NIN: variants seen among roughly 807,000 people sequenced by gnomAD.
The protein encoded by NIN is glycogen synthase kinase 3 beta-interacting protein.
NIN carries 137 observed loss-of-function variants against 257.6 expected under a neutral mutation model. That is an observed-to-expected ratio of 0.53 (90% CI 0.46 to 0.61). The LOEUF (loss-of-function observed/expected upper bound fraction) is 0.61, where lower values mean the gene tolerates loss of function less well. Among genes scored for constraint, NIN ranks in the 20% least tolerant of loss-of-function variants. The pLI, the probability that NIN is intolerant of heterozygous loss-of-function variation, is 0.00. For missense variants in NIN, 2,439 were observed against 2,501.2 expected, an observed-to-expected ratio of 0.98 and a Z score of 0.53; for synonymous variants, 918 against 919.8, an observed-to-expected ratio of 1.00 and a Z score of 0.04.
chr14:50,828,339 T>C (rs539230211), intron 2 of NIN, among the ~76,000 whole-genome samples: 93 of 152,352 alleles, frequency 6.1e-4, no homozygotes, highest in Non-Finnish European at 8.7e-4. Context: ...AAATGGTTAA[T>C]TGCTGACTTA....
chr14:50,761,798 C>T lies in NIN; in HGVS notation c.1888G>A (p.Glu630Lys), dbSNP rs756490659. The change falls in exon 16 of 31, where the codon GAA (glutamate) becomes AAA (lysine). Residue 630 changes from glutamate (E) to lysine (K), a missense_variant. Coordinates refer to ENST00000530997, the MANE Select transcript of NIN (RefSeq NM_020921.4). Reference protein sequence around the residue: ...RDICCLRLELEDKVRHYEKQL... With the variant: ...RDICCLRLELKDKVRHYEKQL... ...TGGTGGGAAGGACTTACTTTATCTTCGAGCTCCAGTCTGAGGCAACATATG... is the reference window on the plus strand; with the variant it reads ...TGGTGGGAAGGACTTACTTTATCTTTGAGCTCCAGTCTGAGGCAACATATG... The T allele has an allele frequency of 1.9e-6, 3 of 1,614,004 alleles. No homozygotes were observed. The highest frequency in any genetic ancestry group is 2.2e-5 in the East Asian group (1 of 44,890).
rs1156231902 is a variant in NIN at position 50,763,834 on chromosome 14, G to A, written c.1766C>T (p.Pro589Leu). 1 of 1,613,772 alleles carries A rather than the reference G, an allele frequency of 6.2e-7. No homozygotes were observed. Among genetic ancestry groups the A allele is most frequent in the African/African-American group, 1.3e-5 (1 of 74,926 alleles). Residue 589 changes from proline (P) to leucine (L), a missense_variant, in exon 15 of 31, where the codon CCC becomes CTC. Transcript: ENST00000530997. ...EVEANSGGIE[P>L]EHGLGSEECN... ...TGTCCGAATGTGTTTACCGTGTTCG[G>A]GCTCAATGCCACCGCTGTTAGCCTC...
chr14:50,813,669 T>C (rs117719818), intron 3 of NIN, among the ~76,000 whole-genome samples: 2,330 of 152,338 alleles, frequency 0.015, 23 homozygotes, highest in Non-Finnish European at 0.023. Context: ...ATAAGGAAAC[T>C]AATGTTGCAT....
At chr14:50,755,648 C>CTCTT (rs1566808426) in intron 18 of NIN, among the ~76,000 whole-genome samples, 3 of 79,992 alleles carry the variant, frequency 3.8e-5, no homozygotes, top group Non-Finnish European at 6.6e-5. Context: ...TGTTTTGTCT[C>CTCTT]TTTTTTTTTT....
At chr14:50,795,466 G>T (rs1165152978) in intron 4 of NIN, among the ~76,000 whole-genome samples, 1 of 152,170 alleles carries the variant, frequency 6.6e-6, no homozygotes, top group Admixed American at 6.5e-5. Flanking sequence ...CAGAGATTTA[G>T]AACTGAACAG....
chr14:50,819,508 T>C (rs2045097461), intron 3 of NIN, among the ~76,000 whole-genome samples: 1 of 152,204 alleles, frequency 6.6e-6, no homozygotes, highest in African/African-American at 2.4e-5. Context: ...ACGTAAGGTG[T>C]GTCTCTCATC....
chr14:50,799,234 A>C (rs2043975388), intron 4 of NIN, among the ~76,000 whole-genome samples: 1 of 152,176 alleles, frequency 6.6e-6, no homozygotes, highest in Non-Finnish European at 1.5e-5. Context: ...ATGAAGACTT[A>C]GTTTCCTCAT....
chr14:50,738,046 A>G (rs1283331679), intron 27 of NIN, 94 bp downstream of exon 27: 2 of 1,274,734 alleles, frequency 1.6e-6, no homozygotes, highest in Admixed American at 2.2e-5. Context: ...TGCCATCGTA[A>G]TCATTTCCTT....
chr14:50,757,029 T>A lies in NIN; in HGVS notation c.4001A>T (p.Lys1334Met), dbSNP rs1279477822. The A allele has an allele frequency of 1.2e-6, 2 of 1,613,328 alleles. No homozygotes were observed. Among genetic ancestry groups the A allele is most frequent in the South Asian group, 1.1e-5 (1 of 90,944 alleles). Residue 1334 changes from lysine (K) to methionine (M), a missense_variant, in exon 18 of 31, where the codon AAG (lysine) becomes ATG (methionine). Lys to Met is a moderately conservative substitution (Grantham distance 95, BLOSUM62 -1). This residue lies in a region of NIN where 2,043 missense variants were observed against 2,050.2 expected (regional missense o/e 1.00). Coordinates refer to ENST00000530997, the MANE Select transcript of NIN (RefSeq NM_020921.4). ...LVLRLQGKIE[K>M]LQESVVQRCD... ...CCGCTGGACCACGCTTTCCTGAAGC[T>A]TCTCAATCTTGCCTTGAAGTCTCAA...
In NIN at chr14:50,723,484, A is replaced by AG; in HGVS notation, c.6380dup (p.Thr2128TyrfsTer32). 6.2e-7 allele frequency: 1 copy of AG among 1,612,770 alleles called. No homozygotes were observed. Among genetic ancestry groups the AG allele is most frequent in the Non-Finnish European group, 8.5e-7 (1 of 1,179,756 alleles). On this transcript the variant is annotated frameshift_variant, in exon 31 of 31. Transcript: ENST00000530997. LOFTEE classifies it high-confidence loss of function. ...TTGGCTATGACCTCAAAGGAGGTGT[A>AG]GAAGTCAATGGCGCTGGTGTCAGAT... is the stretch of plus-strand genomic sequence containing the variant.
Position 50,776,952 on chromosome 14 carries a change from T to C in NIN, c.663A>G (p.Gly221=), listed in dbSNP as rs1595847029. 2.5e-6 allele frequency: 4 copies of C among 1,611,070 alleles called. No individual in the cohort carries two copies. Among genetic ancestry groups the C allele is most frequent in the Non-Finnish European group, 2.5e-6 (3 of 1,178,740 alleles). ...CEQYGLQNVD[G]EMLEEVFHNL... ...TGAATTATACTGCGAGGCTTACCTC[T>C]CCATCCACATTCTGTAAACCATACT... Residue 221 remains glycine, a synonymous_variant, in exon 7 of 31, where the codon GGA becomes GGG. Coordinates refer to ENST00000530997, the MANE Select transcript of NIN (RefSeq NM_020921.4).
Position 50,759,950 on chromosome 14 carries a change from T to G in NIN, c.2306A>C (p.Gln769Pro). ...TQELEQFHQE[Q>P]LTSLVEKHTL... is the part of the protein sequence containing the mutation. Reference sequence around the variant, plus strand: ...GTGTTTCTCCACCAGGCTTGTCAGCTGCTCCTGGTGAAACTGCTCTAGTTC... The same window carrying G: ...GTGTTTCTCCACCAGGCTTGTCAGCGGCTCCTGGTGAAACTGCTCTAGTTC... Residue 769 changes from glutamine to proline, a missense_variant, in exon 17 of 31, where the codon CAG becomes CCG. Coordinates refer to ENST00000530997, the MANE Select transcript of NIN (RefSeq NM_020921.4). The G allele has an allele frequency of 6.2e-7, 1 of 1,614,226 alleles. No homozygotes were observed. The highest frequency in any genetic ancestry group is 1.1e-5 in the South Asian group (1 of 91,078).
At chr14:50,773,767 C>T (rs1467267869) in intron 7 of NIN, among the ~76,000 whole-genome samples, 1 of 152,036 alleles carries the variant, frequency 6.6e-6, no homozygotes, top group Non-Finnish European at 1.5e-5. Context: ...TTTTGACTGG[C>T]TAGTCCGCAC....
At chr14:50,774,214 A>C (rs1264853283) in intron 7 of NIN, among the ~76,000 whole-genome samples, 2 of 152,220 alleles carry the variant, frequency 1.3e-5, no homozygotes, top group Non-Finnish European at 2.9e-5. Flanking sequence ...GACTCATTCT[A>C]ACACAGGCCT....
At chr14:50,819,431 C>T (rs935060847) in intron 3 of NIN, among the ~76,000 whole-genome samples, 5 of 152,132 alleles carry the variant, frequency 3.3e-5, no homozygotes, top group South Asian at 2.1e-4. Flanking sequence ...ATAAATCTCA[C>T]GAGATCTGAT....
chr14:50,747,861 T>A, intron 22 of NIN, 131 bp downstream of exon 22: 1 of 639,804 alleles, frequency 1.6e-6, no homozygotes, highest in Non-Finnish European at 2.8e-6. Flanking sequence ...CCAAGCAGTA[T>A]GTCCTCAGCT....
Position 50,828,102 on chromosome 14 carries a change from C to CAA in NIN, c.-22+2360_-22+2361dup, listed in dbSNP as rs34448875. Among the ~76,000 whole-genome samples the CAA allele has an allele frequency of 2.7e-3, 368 of 138,462 alleles. 1 individual carries two copies. The highest frequency in any genetic ancestry group is 5.0e-3 in the East Asian group (23 of 4,604). The allele number at this position is 138,462 out of a possible 152,430, so 90.8% of individuals were successfully genotyped here. The stretch of plus-strand genomic sequence containing the variant: ...AGAAAACAGAGCTGCATGTTTGTTA[C>CAA]AAAAAAAAAAAAAAAGGAGAAAGCT... On this transcript the variant is annotated intron_variant, in intron 2 of 30. Transcript: ENST00000530997.
intron 28 of NIN, chr14:50,730,985 T>C (rs1012315148): frequency 7.5e-7 from 1 of 1,326,260 alleles, no homozygotes; most frequent in Non-Finnish European, 1.0e-6. Context: ...CACTGAGTTC[T>C]AGGTACAGGT....
rs2042053242 is a variant in NIN at position 50,756,938 on chromosome 14, G to C, written c.4092C>G (p.Leu1364=). 2 of 1,584,804 alleles carry C rather than the reference G, an allele frequency of 1.3e-6. No individual in the cohort carries two copies. The highest frequency in any genetic ancestry group is 1.7e-6 in the Non-Finnish European group (2 of 1,163,780). The change falls in exon 18 of 31, where the codon CTC becomes CTG. Residue 1364 remains leucine (L), a synonymous_variant. Coordinates refer to ENST00000530997, the MANE Select transcript of NIN (RefSeq NM_020921.4). ...NLEIEPDGNI[L]QLNQTLEECV... Reference sequence around the variant, plus strand: ...ACTCTTCCAGTGTCTGATTGAGCTGGAGTATATTTCCATCAGGTTCGATTT... The same window carrying C: ...ACTCTTCCAGTGTCTGATTGAGCTGCAGTATATTTCCATCAGGTTCGATTT...
Sources: allele counts gnomAD v4.1 joint callset (sites outside exome capture counted in the v4.1 genomes callset), GRCh38; gene constraint gnomAD v4.1.1; regional missense constraint gnomAD v4.1.1; transcripts MANE v1.5; gene names NCBI Gene and HGNC (gene_info 2026-07-23, HGNC 2026-07-21).